ADGRL2: variants seen among roughly 807,000 people sequenced by gnomAD.
ADGRL2 encodes the protein calcium-independent alpha-latrotoxin receptor 2.
Under a neutral mutation model 157.4 loss-of-function variants are expected in ADGRL2, and 44 were observed. The observed-to-expected ratio is 0.28, with a 90% CI of 0.22 to 0.36. ADGRL2 has a LOEUF of 0.36. ADGRL2 is among the 10% of genes least tolerant of loss of function. The pLI is 1.00. For synonymous variants in ADGRL2, 585 were observed against 624.7 expected (o/e 0.94, Z 0.95); for missense variants, 1,510 against 1,768.9 (o/e 0.85, Z 2.63).
intron 3 of ADGRL2, among the ~76,000 whole-genome samples, chr1:81,592,680 C>T (rs1053129184): frequency 3.3e-5 from 5 of 152,062 alleles, no homozygotes; most frequent in Admixed American, 3.3e-4. Flanking sequence ...GAAAGCTAAG[C>T]AAGAAGTATG....
intron 3 of ADGRL2, among the ~76,000 whole-genome samples, chr1:81,683,872 A>G (rs2083172992): frequency 6.6e-6 from 1 of 151,640 alleles, no homozygotes; most frequent in African/African-American, 2.4e-5. Context: ...GCTGGAGTGC[A>G]GTGGCGCAAT....
chr1:81,871,265 C>T (rs1463282599), intron 2 of ADGRL2, among the ~76,000 whole-genome samples: 1 of 152,034 alleles, frequency 6.6e-6, no homozygotes, highest in Non-Finnish European at 1.5e-5. Context: ...GACATGAACT[C>T]ATCCTTTTTT....
rs117991587 is a variant in ADGRL2, at chr1:81,925,030, A to G, written c.288-11698A>G. ...GAAAATTCCTGAGGGGAGTTGGGATATAATTTGACCATGAGGGTATACTCT... is the reference window on the plus strand; with the variant it reads ...GAAAATTCCTGAGGGGAGTTGGGATGTAATTTGACCATGAGGGTATACTCT... On this transcript the variant is annotated intron_variant, in intron 3 of 23. Coordinates refer to ENST00000686636, the MANE Select transcript of ADGRL2 (RefSeq NM_001366006.2). Among the ~76,000 whole-genome samples, 67 of 152,268 alleles carry G rather than the reference A, an allele frequency of 4.4e-4. 1 individual carries two copies. The East Asian group carries it at 0.012, about 28-fold the overall frequency.
Position 81,362,357 on chromosome 1 carries a change from TC to T in ADGRL2, c.-302+55849del, listed in dbSNP as rs2075993479. ...TCCCAAAGAACTCTTTTCATTATGT[TC>T]AAGGTTAATCTTATAACTTTTGCAG... On this transcript the variant is annotated intron_variant, in intron 1 of 24. Transcript: ENST00000370721. Among the ~76,000 whole-genome samples the T allele has an allele frequency of 2.6e-5, 4 of 151,426 alleles. No homozygotes were observed. The South Asian group carries it at 8.4e-4, about 32-fold the overall frequency.
At chr1:81,609,980 A>G (rs777629386) in intron 3 of ADGRL2, among the ~76,000 whole-genome samples, 1 of 152,220 alleles carries the variant, frequency 6.6e-6, no homozygotes, top group South Asian at 2.1e-4. Context: ...TATCTTTATC[A>G]GAGACAAAGA....
At chr1:81,524,504 A>AGT (rs1169367583) in intron 2 of ADGRL2, among the ~76,000 whole-genome samples, 2 of 152,148 alleles carry the variant, frequency 1.3e-5, no homozygotes, top group African/African-American at 4.8e-5. Flanking sequence ...ATGCCATTAC[A>AGT]GTGTGTGTGT....
chr1:81,869,212 C>T (rs962040004), intron 2 of ADGRL2, among the ~76,000 whole-genome samples: 1 of 152,078 alleles, frequency 6.6e-6, no homozygotes, highest in Non-Finnish European at 1.5e-5. Flanking sequence ...TTATAAATCA[C>T]TTGGGTCCTT....
At chr1:81,849,560 G>A (rs1284949007) in intron 2 of ADGRL2, among the ~76,000 whole-genome samples, 3 of 151,846 alleles carry the variant, frequency 2.0e-5, no homozygotes, top group South Asian at 4.1e-4. Flanking sequence ...AAGTTAAAAC[G>A]TAATGATGTA....
At chr1:81,446,286 C>T (rs1005156614) in intron 2 of ADGRL2, among the ~76,000 whole-genome samples, 4 of 152,136 alleles carry the variant, frequency 2.6e-5, no homozygotes, top group Non-Finnish European at 5.9e-5. Context: ...ATTTCAGAAA[C>T]ATGCAAACAT....
At chr1:81,855,762 A>G (rs2093181265) in intron 2 of ADGRL2, among the ~76,000 whole-genome samples, 1 of 152,174 alleles carries the variant, frequency 6.6e-6, no homozygotes. Context: ...AGCTGAATTC[A>G]TCCTGTGGTC....
intron 3 of ADGRL2, among the ~76,000 whole-genome samples, chr1:81,929,921 T>C (rs1557934573): frequency 6.6e-6 from 1 of 152,164 alleles, no homozygotes; most frequent in Non-Finnish European, 1.5e-5. Flanking sequence ...AACAAACTTC[T>C]AAAGAAGATA....
At chr1:81,383,943 G>A in intron 1 of ADGRL2, among the ~76,000 whole-genome samples, 1 of 135,822 alleles carries the variant, frequency 7.4e-6, no homozygotes, top group Non-Finnish European at 1.5e-5. Flanking sequence ...AACAGAGCAA[G>A]ACTCTGTCTC....
intron 1 of ADGRL2, among the ~76,000 whole-genome samples, chr1:81,705,797 T>C (rs576357585): frequency 3.4e-4 from 51 of 152,120 alleles, no homozygotes; most frequent in African/African-American, 8.7e-4. Flanking sequence ...TCTCAGATAT[T>C]CAGGAGGCTG....
intron 1 of ADGRL2, among the ~76,000 whole-genome samples, chr1:81,707,166 A>G (rs1353391041): frequency 2.0e-5 from 3 of 152,112 alleles, no homozygotes; most frequent in Non-Finnish European, 4.4e-5. Context: ...GTGGCGGTTA[A>G]TGGGGAAAAA....
chr1:81,530,843 G>T (rs113776170), intron 2 of ADGRL2, among the ~76,000 whole-genome samples: 5 of 152,076 alleles, frequency 3.3e-5, no homozygotes, highest in African/African-American at 1.2e-4. Flanking sequence ...CCAGCACTTT[G>T]GGAGGCCAAG....
chr1:81,963,047 A>AT (rs1655942346), intron 11 of ADGRL2, among the ~76,000 whole-genome samples: 1 of 152,114 alleles, frequency 6.6e-6, no homozygotes, highest in Non-Finnish European at 1.5e-5. Flanking sequence ...ATTCTCCCAA[A>AT]TAACAGCATT....
At position 81,990,760 on chromosome 1, in the gene ADGRL2, C is replaced by G; in HGVS notation, c.4025C>G (p.Thr1342Ser). 1 of 1,614,120 alleles carries G rather than the reference C, an allele frequency of 6.2e-7. No individual in the cohort carries two copies. Among genetic ancestry groups the G allele is most frequent in the African/African-American group, 1.3e-5 (1 of 75,030 alleles). Residue 1342 changes from threonine to serine, a missense_variant, in exon 24 of 24, where the codon ACT (threonine) becomes AGT (serine). Around this residue, in one of 4 missense-constraint regions of ADGRL2, gnomAD observed 327 missense variants for 310.1 expected, o/e 1.05. Transcript: ENST00000686636. ...ELEAPLIPQRTHSLLYQPQKK... is the reference protein window; with the variant it reads ...ELEAPLIPQRSHSLLYQPQKK... ...GAGGCACCACTTATTCCTCAGCGGA[C>G]TCACTCCCTTCTGTACCAACCCCAG...
At chr1:81,495,021 G>C (rs896139114) in intron 2 of ADGRL2, among the ~76,000 whole-genome samples, 3 of 152,090 alleles carry the variant, frequency 2.0e-5, no homozygotes, top group African/African-American at 7.2e-5. Flanking sequence ...TAGGATTTCA[G>C]AGTAAAGAAT....
intron 3 of ADGRL2, among the ~76,000 whole-genome samples, chr1:81,624,477 G>T (rs2081867317): frequency 6.6e-6 from 1 of 151,982 alleles, no homozygotes; most frequent in African/African-American, 2.4e-5. Flanking sequence ...GCTACCCTCG[G>T]AGGCTGAGGC....
Sources: allele counts gnomAD v4.1 joint callset (sites outside exome capture counted in the v4.1 genomes callset), GRCh38; gene constraint gnomAD v4.1.1; regional missense constraint gnomAD v4.1.1; transcripts MANE v1.5; gene names NCBI Gene and HGNC (gene_info 2026-07-23, HGNC 2026-07-21).